The following TEAD1 variants were observed in gnomAD, a reference collection of about 807,000 sequenced individuals.
The protein encoded by TEAD1 is transcriptional enhancer factor TEF-1.
Under a neutral mutation model 54.9 loss-of-function variants are expected in TEAD1, and 9 were observed. The ratio of observed to expected loss-of-function variants is 0.16; its 90% CI spans 0.10 to 0.29. TEAD1 has a LOEUF of 0.29. Among genes scored for constraint, TEAD1 ranks in the 10% least tolerant of loss-of-function variants. The probability of loss-of-function intolerance (pLI) is 1.00; values close to 1 mark genes in which losing one functional copy is unlikely to be tolerated. For missense variants in TEAD1, 387 were observed against 535.9 expected, an observed-to-expected ratio of 0.72 and a Z score of 2.74; for synonymous variants, 200 against 187.8, an observed-to-expected ratio of 1.07 and a Z score of -0.53.
At chr11:12,688,072 C>G (rs1333699865) in intron 2 of TEAD1, among the ~76,000 whole-genome samples, 1 of 152,144 alleles carries the variant, frequency 6.6e-6, no homozygotes, top group Admixed American at 6.5e-5. Context: ...TGGAAATGGC[C>G]TCATGCTGGG....
At chr11:12,835,246 G>T (rs1041073712) in intron 3 of TEAD1, among the ~76,000 whole-genome samples, 3 of 152,146 alleles carry the variant, frequency 2.0e-5, no homozygotes, top group African/African-American at 7.2e-5. Context: ...TAGATTCCTG[G>T]TGATGCTGAT....
intron 2 of TEAD1, among the ~76,000 whole-genome samples, chr11:12,745,812 C>G (rs1309692829): frequency 6.6e-6 from 1 of 151,966 alleles, no homozygotes; most frequent in Non-Finnish European, 1.5e-5. Flanking sequence ...CTTTCACCAC[C>G]TTCAGGTTGG....
intron 2 of TEAD1, among the ~76,000 whole-genome samples, chr11:12,740,892 G>C (rs1418432186): frequency 2.0e-5 from 3 of 152,044 alleles, no homozygotes; most frequent in African/African-American, 7.2e-5. Context: ...CCCCATATCT[G>C]TGACTTCTAA....
At chr11:12,707,304 G>T (rs1485109541) in intron 2 of TEAD1, among the ~76,000 whole-genome samples, 1 of 151,892 alleles carries the variant, frequency 6.6e-6, no homozygotes, top group Admixed American at 6.6e-5. Flanking sequence ...GTTTGCTTTG[G>T]CATTCAGCCA....
chr11:12,811,118 G>A (rs1358198820), intron 3 of TEAD1, among the ~76,000 whole-genome samples: 1 of 152,224 alleles, frequency 6.6e-6, no homozygotes, highest in Admixed American at 6.5e-5. Flanking sequence ...TGTCCACGGC[G>A]ATTGATTGAG....
intron 11 of TEAD1, among the ~76,000 whole-genome samples, chr11:12,928,888 T>C (rs12575398): frequency 0.63 from 95,287 of 151,794 alleles, 30,079 homozygotes; most frequent in South Asian, 0.75. Context: ...CACTTAAATA[T>C]TCTCTTAGCA....
chr11:12,821,730 A>G (rs1374982694), intron 3 of TEAD1, among the ~76,000 whole-genome samples: 5 of 152,140 alleles, frequency 3.3e-5, no homozygotes, highest in Non-Finnish European at 7.4e-5. Context: ...TAAACTATTG[A>G]TCAACAACCT....
chr11:12,735,878 G>C (rs2133885592), intron 2 of TEAD1, among the ~76,000 whole-genome samples: 1 of 152,244 alleles, frequency 6.6e-6, no homozygotes, highest in African/African-American at 2.4e-5. Context: ...CTGCATGCTT[G>C]TTTAAGGCTA....
At chr11:12,747,290 A>C (rs911116967) in intron 2 of TEAD1, among the ~76,000 whole-genome samples, 1 of 152,106 alleles carries the variant, frequency 6.6e-6, no homozygotes, top group African/African-American at 2.4e-5. Context: ...AAGAAGGTGG[A>C]TATATTAGCA....
chr11:12,786,064 G>A (rs1564939429), intron 3 of TEAD1, among the ~76,000 whole-genome samples: 1 of 152,148 alleles, frequency 6.6e-6, no homozygotes, highest in Non-Finnish European at 1.5e-5. Flanking sequence ...AAGGCCCTGG[G>A]CTCCTGACAG....
chr11:12,783,465 C>T (rs1403299263), intron 3 of TEAD1, among the ~76,000 whole-genome samples: 2 of 152,096 alleles, frequency 1.3e-5, no homozygotes, highest in African/African-American at 4.8e-5. Context: ...AGGTTCTCTG[C>T]TAAGATGCAT....
chr11:12,921,580 A>G (rs1247038195), intron 10 of TEAD1, among the ~76,000 whole-genome samples: 3 of 151,822 alleles, frequency 2.0e-5, no homozygotes, highest in African/African-American at 4.8e-5. Flanking sequence ...GGCACAGGCT[A>G]CATCATAATA....
At position 12,796,840 on chromosome 11, in the gene TEAD1, G is replaced by A. The variant is rs141781753; in HGVS notation, c.202+32406G>A. ...AATATCTACAGATGTGGCCGGGTGC[G>A]GTAGCTCATGCTTGTAATCCCAGCA... On this transcript the variant is annotated intron_variant, in intron 3 of 12. Coordinates refer to ENST00000527636, the MANE Select transcript of TEAD1 (RefSeq NM_021961.6). Among the ~76,000 whole-genome samples the A allele has an allele frequency of 1.1e-3, 161 of 152,196 alleles. 1 individual carries two copies. The East Asian group carries it at 0.03, about 28-fold the overall frequency.
At chr11:12,923,357 C>T (rs541780039) in intron 10 of TEAD1, among the ~76,000 whole-genome samples, 1 of 152,276 alleles carries the variant, frequency 6.6e-6, no homozygotes, top group Non-Finnish European at 1.5e-5. Flanking sequence ...TGAGTTGCAT[C>T]ATCATTAGAA....
chr11:12,730,191 C>T (rs1013627841), intron 2 of TEAD1, among the ~76,000 whole-genome samples: 7 of 152,076 alleles, frequency 4.6e-5, no homozygotes, highest in Non-Finnish European at 7.4e-5. Flanking sequence ...GGGTTATGCA[C>T]GGAGGAGTAA....
intron 3 of TEAD1, among the ~76,000 whole-genome samples, chr11:12,853,163 G>C (rs1947308012): frequency 6.6e-6 from 1 of 152,140 alleles, no homozygotes; most frequent in Non-Finnish European, 1.5e-5. Context: ...CATCTGAGCT[G>C]GACCTGGAAA....
chr11:12,760,687 G>C (rs752753687), intron 2 of TEAD1, among the ~76,000 whole-genome samples: 1 of 152,128 alleles, frequency 6.6e-6, no homozygotes, highest in Non-Finnish European at 1.5e-5. Flanking sequence ...GGTAATTTGC[G>C]TGACAGTTGG....
chr11:12,741,285 G>A (rs1944645255), intron 2 of TEAD1, among the ~76,000 whole-genome samples: 1 of 151,552 alleles, frequency 6.6e-6, no homozygotes, highest in African/African-American at 2.4e-5. Flanking sequence ...ATTATAGTTG[G>A]TTTTATAATC....
chr11:12,940,290 C>G lies in TEAD1; in HGVS notation c.*3068C>G, dbSNP rs758845079. 1 of 152,204 alleles carries G rather than the reference C, an allele frequency of 6.6e-6. No individual in the cohort carries two copies. Among genetic ancestry groups the G allele is most frequent in the Non-Finnish European group, 1.5e-5 (1 of 68,046 alleles). 9.4% of individuals were successfully genotyped at this position (152,204 alleles called of 1,614,324 possible). A position where few individuals can be genotyped will look rare whatever the true frequency, so the allele number is the denominator to read the frequency against. On this transcript the variant is annotated 3_prime_UTR_variant, in exon 13 of 13. Transcript: ENST00000527636. ...TAATTCTTTGTTCTGCAGAGCTGTCCTTTGCACTGTAGGAGATTTACTAAT... is the reference window on the plus strand; with the variant it reads ...TAATTCTTTGTTCTGCAGAGCTGTCGTTTGCACTGTAGGAGATTTACTAAT...
Sources: allele counts gnomAD v4.1 joint callset (sites outside exome capture counted in the v4.1 genomes callset), GRCh38; gene constraint gnomAD v4.1.1; transcripts MANE v1.5; gene names NCBI Gene and HGNC (gene_info 2026-07-23, HGNC 2026-07-21).